GTF3C5: variants seen among roughly 807,000 people sequenced by gnomAD.
GTF3C5 encodes the protein general transcription factor IIIC subunit 5.
Under a neutral mutation model 61.0 loss-of-function variants are expected in GTF3C5, and 47 were observed. The observed-to-expected ratio is 0.77, with a 90% CI of 0.61 to 0.98. GTF3C5 has a LOEUF of 0.98. GTF3C5 is among the 50% of genes least tolerant of loss of function. The probability of loss-of-function intolerance (pLI) is 0.00; values close to 1 mark genes in which losing one functional copy is unlikely to be tolerated. For missense variants in GTF3C5, 659 were observed against 703.3 expected, an observed-to-expected ratio of 0.94 and a Z score of 0.71; for synonymous variants, 295 against 275.4, an observed-to-expected ratio of 1.07 and a Z score of -0.71.
chr9:133,057,750 G>C (rs2119044001), intron 10 of GTF3C5, 64 bp from the exon 11 acceptor site: 1 of 1,469,670 alleles, frequency 6.8e-7, no homozygotes, highest in East Asian at 2.3e-5. Flanking sequence ...GAGCCTGGTG[G>C]CCTTTCTGGG....
chr9:133,056,735 C>CT, intron 9 of GTF3C5, 31 bp from the exon 10 acceptor site: 3 of 1,562,426 alleles, frequency 1.9e-6, no homozygotes, highest in Middle Eastern at 1.7e-4. Context: ...CGCCCTGGGA[C>CT]TTTATGTCCC....
intron 1 of GTF3C5, among the ~76,000 whole-genome samples, chr9:133,037,444 T>C (rs1053317731): frequency 8.5e-5 from 13 of 152,178 alleles, no homozygotes; most frequent in Non-Finnish European, 1.8e-4. Flanking sequence ...GTTTTAGGCC[T>C]ATTCTGCCTT....
intron 10 of GTF3C5, 36 bp from the exon 11 acceptor site, chr9:133,057,778 A>G (rs773697129): frequency 2.6e-6 from 4 of 1,541,838 alleles, no homozygotes; most frequent in African/African-American, 1.4e-5. Context: ...GGCAGCCTGC[A>G]TGGGACACCC....
Position 133,043,874 on chromosome 9 carries a change from TC to T in GTF3C5, c.523del (p.Arg175GlyfsTer30). On this transcript the variant is annotated frameshift_variant, in exon 3 of 11. Coordinates refer to ENST00000372097, the MANE Select transcript of GTF3C5 (RefSeq NM_012087.4). LOFTEE classifies it high-confidence loss of function. ...LPLYIPPPIF[S>X]RLDAPVDYFY... ...GCTCTACATCCCCCCACCCATCTTC[TC>T]CCGGCTGGACGCCCCGGTGGACTAC... is the stretch of plus-strand genomic sequence containing the variant. 3.7e-6 allele frequency: 6 copies of T among 1,613,958 alleles called. No homozygotes were observed. The highest frequency in any genetic ancestry group is 5.1e-6 in the Non-Finnish European group (6 of 1,179,964).
At chr9:133,048,631 TGCACTCCAGCCTGGGCAACAA>T (rs987698284) in intron 3 of GTF3C5, among the ~76,000 whole-genome samples, 13 of 151,972 alleles carry the variant, frequency 8.6e-5, no homozygotes, top group African/African-American at 3.1e-4. Flanking sequence ...ATCGTGCCAT[TGCACTCCAGCCTGGGCAACAA>T]GAGTGAAACT....
chr9:133,057,695 T>G (rs1829979778), intron 10 of GTF3C5, 119 bp from the exon 11 acceptor site: 1 of 914,068 alleles, frequency 1.1e-6, no homozygotes, highest in Admixed American at 3.0e-5. Context: ...ACCAGCTTCT[T>G]AAGAGCTCGA....
At position 133,034,526 on chromosome 9, in the gene GTF3C5, AG is replaced by A. The variant is rs1326152713; in HGVS notation, c.153+3366del. On this transcript the variant is annotated intron_variant, in intron 1 of 10. Transcript: ENST00000372097. ...AAGCCCTTTTTAGGGTTAGTTTGGT[AG>A]GGGTGGGTCCCGGGGTGACAGCCCA... Among the ~76,000 whole-genome samples the A allele has an allele frequency of 3.9e-5, 6 of 152,274 alleles. No individual in the cohort carries two copies. The East Asian group carries it at 1.2e-3, about 29-fold the overall frequency.
rs766186763 is a variant in GTF3C5, at chr9:133,054,371, GTGCCCGCCCACCTGACT to G, written c.989-27_989-11del. On this transcript the variant is annotated intron_variant, in intron 6 of 10. Transcript: ENST00000372097. ...CCAGTGTTGTGTGCCGACGGGCCCT[GTGCCCGCCCACCTGACT>G]TGCCCGCCCTCGCCTACAGGTTACG... 1.9e-6 allele frequency: 3 copies of G among 1,573,122 alleles called. No homozygotes were observed. The highest frequency in any genetic ancestry group is 2.6e-6 in the Non-Finnish European group (3 of 1,143,206).
chr9:133,041,683 T>G (rs1850044609), intron 1 of GTF3C5, among the ~76,000 whole-genome samples: 1 of 152,178 alleles, frequency 6.6e-6, no homozygotes, highest in African/African-American at 2.4e-5. Context: ...CTGTCTTTTC[T>G]TTTATGTCTT....
chr9:133,033,546 T>C (rs1447882910), intron 1 of GTF3C5, among the ~76,000 whole-genome samples: 2 of 152,166 alleles, frequency 1.3e-5, no homozygotes, highest in African/African-American at 2.4e-5. Flanking sequence ...AAATTGGCAC[T>C]GGGAGACAGA....
At chr9:133,043,094 G>A (rs630288) in intron 2 of GTF3C5, among the ~76,000 whole-genome samples, 2 of 152,042 alleles carry the variant, frequency 1.3e-5, no homozygotes, top group East Asian at 1.9e-4. Context: ...GGGCAAAGAG[G>A]ACTAGAAAGA....
chr9:133,058,042 C>T lies in GTF3C5; in HGVS notation c.*62C>T, dbSNP rs1263176575. On this transcript the variant is annotated 3_prime_UTR_variant, in exon 11 of 11. Transcript: ENST00000372097. ...CTGGTGTCTGGCCTAATGAGGGAGC[C>T]GGGGCTCCCCATTGCCACCCACAGT... 29 of 1,597,214 alleles carry T rather than the reference C, an allele frequency of 1.8e-5. No individual in the cohort carries two copies. The highest frequency in any genetic ancestry group is 2.7e-5 in the African/African-American group (2 of 73,844).
intron 3 of GTF3C5, among the ~76,000 whole-genome samples, chr9:133,049,147 A>G (rs1458708507): frequency 6.6e-6 from 1 of 152,206 alleles, no homozygotes; most frequent in Non-Finnish European, 1.5e-5. Context: ...CCCTGCCAGC[A>G]GTTCCCCACC....
intron 3 of GTF3C5, among the ~76,000 whole-genome samples, chr9:133,045,306 C>T (rs1850169314): frequency 6.6e-6 from 1 of 152,220 alleles, no homozygotes; most frequent in South Asian, 2.1e-4. Context: ...GAAGCCGAGA[C>T]ATGGGGTCAG....
At chr9:133,044,993 A>G (rs1363697208) in intron 3 of GTF3C5, among the ~76,000 whole-genome samples, 5 of 151,956 alleles carry the variant, frequency 3.3e-5, no homozygotes, top group African/African-American at 9.7e-5. Context: ...GGTTCTTGAC[A>G]TAATTAGAGA....
chr9:133,047,615 A>C (rs988227962), intron 3 of GTF3C5, among the ~76,000 whole-genome samples: 1 of 151,058 alleles, frequency 6.6e-6, no homozygotes, highest in Non-Finnish European at 1.5e-5. Context: ...TCTGCCTCCC[A>C]GGTTCAAGTG....
intron 1 of GTF3C5, among the ~76,000 whole-genome samples, chr9:133,035,395 T>C (rs1719052828): frequency 6.6e-6 from 1 of 152,200 alleles, no homozygotes; most frequent in African/African-American, 2.4e-5. Flanking sequence ...GGTCTGCTTA[T>C]TAGTCTTTTT....
intron 3 of GTF3C5, among the ~76,000 whole-genome samples, chr9:133,048,062 A>G (rs575232787): frequency 1.3e-5 from 2 of 152,292 alleles, no homozygotes; most frequent in East Asian, 3.9e-4. Context: ...CTGGGAGGTC[A>G]AAGCTGCAGT....
chr9:133,056,124 AG>A, intron 9 of GTF3C5, 30 bp downstream of exon 9: 3 of 1,591,082 alleles, frequency 1.9e-6, no homozygotes, highest in Non-Finnish European at 2.6e-6. Flanking sequence ...TGAGACACTG[AG>A]GGGGGCCCGT....
Sources: allele counts gnomAD v4.1 joint callset (sites outside exome capture counted in the v4.1 genomes callset), GRCh38; gene constraint gnomAD v4.1.1; transcripts MANE v1.5; gene names NCBI Gene and HGNC (gene_info 2026-07-23, HGNC 2026-07-21).